The following PTPRT variants were observed in gnomAD, a reference collection of about 807,000 sequenced individuals.
The protein encoded by PTPRT is receptor-type tyrosine-protein phosphatase T.
In PTPRT, 56 loss-of-function variants were observed where a neutral mutation model predicts 176.8. That is an observed-to-expected ratio of 0.32 (90% confidence interval 0.26 to 0.40). The LOEUF (loss-of-function observed/expected upper bound fraction) is 0.40. Among genes scored for constraint, PTPRT ranks in the 10% least tolerant of loss-of-function variants. The probability of loss-of-function intolerance (pLI) is 1.00; values close to 1 mark genes in which losing one functional copy is unlikely to be tolerated. For synonymous variants in PTPRT, 783 were observed against 739.0 expected (o/e 1.06, Z -0.96); for missense variants, 1,540 against 1,908.2 (o/e 0.81, Z 3.60).
chr20:42,063,253 T>C, the PTPRT span, among the ~76,000 whole-genome samples: 1 of 152,196 alleles, frequency 6.6e-6, no homozygotes, highest in African/African-American at 2.4e-5. Context: ...TCTTAGCACG[T>C]TTCCCCTCCG....
At chr20:42,609,791 C>T (rs912704418) in intron 7 of PTPRT, among the ~76,000 whole-genome samples, 2 of 152,224 alleles carry the variant, frequency 1.3e-5, no homozygotes, top group Non-Finnish European at 2.9e-5. Context: ...AGCTGACCCC[C>T]ACTCCCCCCA....
intron 13 of PTPRT, among the ~76,000 whole-genome samples, chr20:42,255,735 G>C (rs1004626295): frequency 5.9e-5 from 9 of 152,156 alleles, no homozygotes; most frequent in Non-Finnish European, 1.3e-4. Flanking sequence ...TCCTTGTAAA[G>C]ATATGGAGCA....
intron 11 of PTPRT, among the ~76,000 whole-genome samples, chr20:42,341,635 C>T (rs1049269202): frequency 3.3e-5 from 5 of 152,142 alleles, no homozygotes; most frequent in Non-Finnish European, 5.9e-5. Flanking sequence ...CATCCACTCC[C>T]CTCCATACTT....
intron 7 of PTPRT, among the ~76,000 whole-genome samples, chr20:42,496,810 C>T (rs1568929331): frequency 1.3e-5 from 2 of 152,092 alleles, no homozygotes. Context: ...ATGACATCTT[C>T]AATGGTGTAA....
intron 1 of PTPRT, among the ~76,000 whole-genome samples, chr20:42,935,554 C>T (rs73271798): frequency 0.018 from 2,735 of 152,282 alleles, 99 homozygotes; most frequent in African/African-American, 0.063. Context: ...CATGGCAAGG[C>T]CTCTTTCCAC....
intron 27 of PTPRT, among the ~76,000 whole-genome samples, chr20:42,091,288 T>C (rs1249792003): frequency 1.3e-5 from 2 of 152,198 alleles, no homozygotes; most frequent in Non-Finnish European, 2.9e-5. Flanking sequence ...ACGTGTGATA[T>C]ATAACAAATG....
intron 1 of PTPRT, among the ~76,000 whole-genome samples, chr20:43,121,364 CT>C (rs1489851565): frequency 6.6e-6 from 1 of 152,194 alleles, no homozygotes; most frequent in Non-Finnish European, 1.5e-5. Context: ...AGCTATACCT[CT>C]AAGAATGAGA....
chr20:42,828,098 A>G (rs1303218821), intron 2 of PTPRT, among the ~76,000 whole-genome samples: 1 of 151,538 alleles, frequency 6.6e-6, no homozygotes, highest in Non-Finnish European at 1.5e-5. Flanking sequence ...AAAATCTGGG[A>G]AAGTGCAGAA....
intron 1 of PTPRT, among the ~76,000 whole-genome samples, chr20:43,163,623 G>C (rs1313942902): frequency 6.6e-6 from 1 of 151,304 alleles, no homozygotes; most frequent in Non-Finnish European, 1.5e-5. Flanking sequence ...GGGCTACAGA[G>C]CGAGACTCCT....
At chr20:42,355,207 T>C (rs1044321469) in intron 9 of PTPRT, among the ~76,000 whole-genome samples, 1 of 152,030 alleles carries the variant, frequency 6.6e-6, no homozygotes, top group Admixed American at 6.6e-5. Context: ...CCCTGCAAGC[T>C]CCCCCTCCTT....
chr20:42,756,532 G>T lies in PTPRT; in HGVS notation c.789C>A (p.Ser263Arg), dbSNP rs778220140. The T allele has an allele frequency of 6.2e-7, 1 of 1,612,810 alleles. No individual in the cohort carries two copies. Among genetic ancestry groups the T allele is most frequent in the Admixed American group, 1.7e-5 (1 of 59,902 alleles). The part of the protein sequence containing the change: ...SVADTAQRSV[S>R]KYRCVIRSDG... ...CAGAGCGGATCACACAGCGGTACTT[G>T]CTGACGCTCCGCTGGGCAGTGTCTG... The change falls in exon 6 of 31, where the codon AGC (serine) becomes AGA (arginine). Residue 263 changes from serine (S) to arginine (R), a missense_variant. This residue lies in a region of PTPRT where 273 missense variants were observed against 432.1 expected (regional missense o/e 0.63). Coordinates refer to ENST00000373187, the MANE Select transcript of PTPRT (RefSeq NM_007050.6).
At chr20:43,110,665 C>T (rs142441263) in intron 1 of PTPRT, among the ~76,000 whole-genome samples, 142 of 152,220 alleles carry the variant, frequency 9.3e-4, no homozygotes, top group African/African-American at 3.3e-3. Flanking sequence ...ATGGTTTTTT[C>T]AGTAAAACGT....
intron 1 of PTPRT, among the ~76,000 whole-genome samples, chr20:43,030,296 A>C (rs529148865): frequency 6.6e-6 from 1 of 152,218 alleles, no homozygotes; most frequent in Non-Finnish European, 1.5e-5. Flanking sequence ...CAGCAGCTTG[A>C]AGGAAGCCAT....
intron 13 of PTPRT, among the ~76,000 whole-genome samples, chr20:42,262,569 C>T (rs1029018399): frequency 6.6e-6 from 1 of 152,208 alleles, no homozygotes; most frequent in Non-Finnish European, 1.5e-5. Flanking sequence ...TCACAATTAG[C>T]CCAACAAAAT....
intron 16 of PTPRT, among the ~76,000 whole-genome samples, chr20:42,185,005 T>A (rs1280321139): frequency 1.3e-5 from 2 of 152,028 alleles, no homozygotes; most frequent in Admixed American, 1.3e-4. Context: ...TATCAACTCA[T>A]CGTGGCTTCC....
chr20:43,012,208 T>G (rs960462067), intron 1 of PTPRT, among the ~76,000 whole-genome samples: 1 of 152,224 alleles, frequency 6.6e-6, no homozygotes, highest in Non-Finnish European at 1.5e-5. Flanking sequence ...TAGCGAACCC[T>G]GACTAATACA....
intron 1 of PTPRT, among the ~76,000 whole-genome samples, chr20:43,173,376 G>A (rs1219951958): frequency 6.6e-6 from 1 of 152,204 alleles, no homozygotes; most frequent in Admixed American, 6.5e-5. Flanking sequence ...AAATTATGCA[G>A]GCCCTTATAT....
At chr20:42,122,609 A>C (rs948970599) in intron 19 of PTPRT, among the ~76,000 whole-genome samples, 1 of 152,124 alleles carries the variant, frequency 6.6e-6, no homozygotes, top group Non-Finnish European at 1.5e-5. Context: ...TGCCATTCCC[A>C]TCACTCATTC....
At chr20:42,240,717 TC>T (rs11475649) in intron 14 of PTPRT, among the ~76,000 whole-genome samples, 78,491 of 141,746 alleles carry the variant, frequency 0.55, 20,977 homozygotes, top group Non-Finnish European at 0.57. Context: ...CATCCATCCA[TC>T]CCATCCATCC....
Sources: gnomAD v4.1 joint callset for allele counts (sites outside exome capture counted in the v4.1 genomes callset) on GRCh38, gnomAD v4.1.1 for gene constraint, gnomAD v4.1.1 regional missense constraint, MANE v1.5 for transcripts, NCBI Gene and HGNC (gene_info 2026-07-23, HGNC 2026-07-21) for gene names.